Variants in CCDC169 observed in about 807,000 individuals in gnomAD.
CCDC169 encodes coiled-coil domain containing 169, also known as coiled-coil domain-containing protein 169.
CCDC169 carries 30 observed loss-of-function variants against 36.0 expected under a neutral mutation model. The ratio of observed to expected loss-of-function variants is 0.83; its 90% CI spans 0.62 to 1.13. The LOEUF (loss-of-function observed/expected upper bound fraction) is 1.13, where lower values mean the gene tolerates loss of function less well. Among genes scored for constraint, CCDC169 ranks in the 50% most tolerant of loss-of-function variants. The pLI is 0.00. For synonymous variants in CCDC169, 85 were observed against 81.5 expected (o/e 1.04, Z -0.23); for missense variants, 245 against 245.9 (o/e 1.00, Z 0.03).
intron 4 of CCDC169, among the ~76,000 whole-genome samples, chr13:36,259,217 T>C (rs1312884926): frequency 6.6e-6 from 1 of 152,104 alleles, no homozygotes; most frequent in South Asian, 2.1e-4. Context: ...TCCTGACCCC[T>C]GGCGATGAGC....
intron 1 of CCDC169, 52 bp from the exon 2 acceptor site, chr13:36,295,909 G>A: frequency 1.9e-6 from 2 of 1,032,168 alleles, no homozygotes; most frequent in Non-Finnish European, 2.9e-6. Context: ...AATAACATCA[G>A]AAAAATAATA....
intron 4 of CCDC169, among the ~76,000 whole-genome samples, chr13:36,276,831 T>A (rs907340116): frequency 6.6e-6 from 1 of 152,166 alleles, no homozygotes; most frequent in African/African-American, 2.4e-5. Flanking sequence ...CATCTTTCTC[T>A]GAGGGATATA....
chr13:36,225,016 A>G (rs1200191122), downstream of CCDC169: 1 of 152,188 alleles, frequency 6.6e-6, no homozygotes, highest in Non-Finnish European at 1.5e-5. Context: ...GATCTTCAAC[A>G]GTCAACAAAA....
At chr13:36,291,253 A>G (rs1364005684) in intron 2 of CCDC169, among the ~76,000 whole-genome samples, 1 of 152,240 alleles carries the variant, frequency 6.6e-6, no homozygotes, top group Non-Finnish European at 1.5e-5. Flanking sequence ...AAAGTCTCTC[A>G]GAAGCTCAGC....
chr13:36,287,962 T>G (rs1878441909), intron 2 of CCDC169, among the ~76,000 whole-genome samples: 1 of 152,138 alleles, frequency 6.6e-6, no homozygotes. Context: ...CACCATTTAG[T>G]GTTCAGATTT....
At chr13:36,276,384 G>A (rs1031350377) in intron 4 of CCDC169, among the ~76,000 whole-genome samples, 1 of 152,124 alleles carries the variant, frequency 6.6e-6, no homozygotes, top group African/African-American at 2.4e-5. Context: ...CATATTCAAG[G>A]ATTTGGATTT....
chr13:36,246,676 T>C (rs920151932), intron 7 of CCDC169, among the ~76,000 whole-genome samples: 3 of 152,218 alleles, frequency 2.0e-5, no homozygotes, highest in Admixed American at 1.3e-4. Flanking sequence ...ATGTCTTATG[T>C]GTTGCAGCAA....
chr13:36,233,917 T>G (rs2138387954), intron 7 of CCDC169, among the ~76,000 whole-genome samples: 1 of 152,328 alleles, frequency 6.6e-6, no homozygotes, highest in Middle Eastern at 3.4e-3. Flanking sequence ...GTGGAGAATC[T>G]CCACTAATGC....
rs530040450 is a variant in CCDC169 at position 36,279,970 on chromosome 13, T to G, written c.315+3499A>C. The stretch of plus-strand genomic sequence containing the variant: ...TAGTGAGATTTTGAAAAATTCATGA[T>G]GTACGTAAATAGGCTAATTTACGTA... On this transcript the variant is annotated intron_variant, in intron 4 of 7. Transcript: ENST00000239859. 6 of 152,314 alleles carry G rather than the reference T, an allele frequency of 3.9e-5. No individual in the cohort carries two copies. In the South Asian group the frequency reaches 1.2e-3, roughly 32 times the overall value. The allele number at this position is 152,314 out of a possible 1,614,324, so 9.4% of individuals were successfully genotyped here. A position where few individuals can be genotyped will look rare whatever the true frequency, so the allele number is the denominator to read the frequency against.
intron 7 of CCDC169, among the ~76,000 whole-genome samples, chr13:36,247,516 G>C (rs2138445824): frequency 6.6e-6 from 1 of 152,200 alleles, no homozygotes; most frequent in East Asian, 1.9e-4. Flanking sequence ...ATTAAAAGAA[G>C]TTTGGAAGAA....
At chr13:36,295,893 A>G in intron 1 of CCDC169, 36 bp from the exon 2 acceptor site, 5 of 1,218,508 alleles carry the variant, frequency 4.1e-6, no homozygotes, top group Middle Eastern at 2.0e-4. Flanking sequence ...TTATAATTCA[A>G]TTAAAAATAA....
intron 4 of CCDC169, among the ~76,000 whole-genome samples, chr13:36,267,842 A>G (rs1875531584): frequency 6.6e-6 from 1 of 152,204 alleles, no homozygotes; most frequent in African/African-American, 2.4e-5. Context: ...GCAATAACAC[A>G]TTAAAAAAAA....
intron 4 of CCDC169, among the ~76,000 whole-genome samples, chr13:36,267,703 G>C (rs1049164057): frequency 6.6e-6 from 1 of 152,066 alleles, no homozygotes; most frequent in Non-Finnish European, 1.5e-5. Context: ...CTGTCTTCAA[G>C]AGACTCACCT....
intron 4 of CCDC169, among the ~76,000 whole-genome samples, chr13:36,255,695 C>A (rs1477687563): frequency 6.7e-6 from 1 of 150,174 alleles, no homozygotes; most frequent in African/African-American, 2.4e-5. Flanking sequence ...GCTTGCCGAT[C>A]AGACTTTGGA....
At chr13:36,291,221 C>T (rs1034643648) in intron 2 of CCDC169, among the ~76,000 whole-genome samples, 3 of 152,340 alleles carry the variant, frequency 2.0e-5, no homozygotes. Flanking sequence ...AAGATACACA[C>T]TGTTATGTTT....
intron 4 of CCDC169, among the ~76,000 whole-genome samples, chr13:36,255,924 C>T (rs966079594): frequency 6.6e-6 from 1 of 152,202 alleles, no homozygotes; most frequent in Non-Finnish European, 1.5e-5. Flanking sequence ...TAGTCTCTTA[C>T]CACCCTTGAC....
chr13:36,223,267 C>T (rs1339565060), downstream of CCDC169: 1 of 152,176 alleles, frequency 6.6e-6, no homozygotes, highest in African/African-American at 2.4e-5. Context: ...AGAAGGCACA[C>T]TGACAGCAAT....
intron 4 of CCDC169, among the ~76,000 whole-genome samples, chr13:36,271,184 G>A (rs1925841): frequency 0.26 from 38,749 of 151,914 alleles, 5,219 homozygotes; most frequent in East Asian, 0.49. Flanking sequence ...TAATCCTCAG[G>A]GAAATGTAAA....
At chr13:36,251,118 AC>A (rs1441084944) in intron 6 of CCDC169, among the ~76,000 whole-genome samples, 1 of 152,204 alleles carries the variant, frequency 6.6e-6, no homozygotes, top group Admixed American at 6.5e-5. Context: ...ATATCAGAAG[AC>A]TCCCAAGAGG....
Sources: gnomAD v4.1 joint callset for allele counts (sites outside exome capture counted in the v4.1 genomes callset) on GRCh38, gnomAD v4.1.1 for gene constraint, MANE v1.5 for transcripts, NCBI Gene and HGNC (gene_info 2026-07-23, HGNC 2026-07-21) for gene names.